The following NUP153 variants were observed in gnomAD, a reference collection of about 807,000 sequenced individuals.
The protein encoded by NUP153 is nuclear pore complex protein Nup153.
In NUP153, 27 loss-of-function variants were observed where a neutral mutation model predicts 134.6. The ratio of observed to expected loss-of-function variants is 0.20; its 90% CI spans 0.15 to 0.28. The LOEUF is 0.28. NUP153 is among the 10% of genes least tolerant of loss of function. The pLI is 1.00. For synonymous variants in NUP153, 640 were observed against 623.5 expected (o/e 1.03, Z -0.40); for missense variants, 1,821 against 1,731.3 (o/e 1.05, Z -0.92).
At chr6:17,670,092 T>C (rs151124118) in intron 5 of NUP153, among the ~76,000 whole-genome samples, 5,215 of 96,060 alleles carry the variant, frequency 0.054, 333 homozygotes, top group East Asian at 0.35. Flanking sequence ...CGAGACTCTT[T>C]CTCAAAAAAA....
chr6:17,706,626 G>C lies in NUP153; in HGVS notation c.-239C>G. On this transcript the variant is annotated 5_prime_UTR_variant, in exon 1 of 22. Coordinates refer to ENST00000262077, the MANE Select transcript of NUP153 (RefSeq NM_005124.4). This position sits in a 1 kb window ranked among gnomAD's most constrained non-coding sequence, Gnocchi z 5.9. Reference sequence around the variant, plus strand: ...GCAGAGGCCGAGGAGGCTCCGGTCCGGCCGCCTCTGCGGACCCCCGCCTCT... The same window carrying C: ...GCAGAGGCCGAGGAGGCTCCGGTCCCGCCGCCTCTGCGGACCCCCGCCTCT... The C allele has an allele frequency of 3.5e-6, 2 of 563,660 alleles. No homozygotes were observed. The highest frequency in any genetic ancestry group is 4.7e-4 in the Middle Eastern group (1 of 2,134). 34.9% of individuals were successfully genotyped at this position (563,660 alleles called of 1,614,324 possible).
At chr6:17,694,485 C>G (rs1248774289) in intron 1 of NUP153, among the ~76,000 whole-genome samples, 2 of 151,860 alleles carry the variant, frequency 1.3e-5, no homozygotes, top group Non-Finnish European at 2.9e-5. Flanking sequence ...ATGGTGAAAC[C>G]CTGTCTCTAC....
At chr6:17,689,268 T>C (rs1769133767) in intron 1 of NUP153, among the ~76,000 whole-genome samples, 1 of 151,910 alleles carries the variant, frequency 6.6e-6, no homozygotes, top group Non-Finnish European at 1.5e-5. Context: ...ATGCCTATAA[T>C]CCCAGCTACT....
At chr6:17,654,343 C>T (rs905737276) in intron 11 of NUP153, among the ~76,000 whole-genome samples, 14 of 150,008 alleles carry the variant, frequency 9.3e-5, no homozygotes, top group African/African-American at 2.9e-4. Context: ...TTTTTTGAGA[C>T]GGAGTTTCGA....
At chr6:17,652,882 A>G (rs1477107737) in intron 11 of NUP153, among the ~76,000 whole-genome samples, 1 of 152,012 alleles carries the variant, frequency 6.6e-6, no homozygotes, top group Non-Finnish European at 1.5e-5. Flanking sequence ...AAAAAAAATT[A>G]GCTGGGCGTG....
intron 2 of NUP153, among the ~76,000 whole-genome samples, chr6:17,686,888 G>C (rs1374277233): frequency 6.8e-6 from 1 of 147,036 alleles, no homozygotes; most frequent in Non-Finnish European, 1.5e-5. Flanking sequence ...AGCCGGGGGC[G>C]GGCGGCGGGG....
chr6:17,646,789 G>GAGTGCA (rs1443372134), intron 13 of NUP153, among the ~76,000 whole-genome samples: 2 of 151,604 alleles, frequency 1.3e-5, no homozygotes, highest in Admixed American at 1.3e-4. Context: ...GCCTGAGCTG[G>GAGTGCA]AGTGCAACGG....
Position 17,706,468 on chromosome 6 carries a change from C to T in NUP153, c.-81G>A. 9.1e-7 allele frequency: 1 copy of T among 1,102,758 alleles called. No homozygotes were observed. Among genetic ancestry groups the T allele is most frequent in the Non-Finnish European group, 1.3e-6 (1 of 769,024 alleles). 68.3% of individuals were successfully genotyped at this position (1,102,758 alleles called of 1,614,324 possible). A position where few individuals can be genotyped will look rare whatever the true frequency, so the allele number is the denominator to read the frequency against. ...AGGCGGAGGCCTTAGAGAGCCTCCCCCGCCGCCCGGCCCCGGCCCAAAAGT... is the reference window on the plus strand; with the variant it reads ...AGGCGGAGGCCTTAGAGAGCCTCCCTCGCCGCCCGGCCCCGGCCCAAAAGT... On this transcript the variant is annotated 5_prime_UTR_variant, in exon 1 of 22. Transcript: ENST00000262077. This position sits in a 1 kb window ranked among gnomAD's most constrained non-coding sequence, Gnocchi z 5.9.
chr6:17,669,470 C>T lies in NUP153; in HGVS notation c.929G>A (p.Arg310Gln), dbSNP rs763590579. The change falls in exon 6 of 22, where the codon CGA (arginine) becomes CAA (glutamine). Residue 310 changes from arginine (R) to glutamine (Q), a missense_variant. Coordinates refer to ENST00000262077, the MANE Select transcript of NUP153 (RefSeq NM_005124.4). ...SYGVTSSTAR[R>Q]ILQSLEKMSS... ...CATCTTCTCTAAAGACTGCAATATT[C>T]GCCGAGCTGTTGAACTGGTCACACC... 9.9e-6 allele frequency: 16 copies of T among 1,614,034 alleles called. No homozygotes were observed. The highest frequency in any genetic ancestry group is 3.3e-5 in the Admixed American group (2 of 60,012).
chr6:17,622,246 T>TCA (rs1245822451), intron 20 of NUP153, among the ~76,000 whole-genome samples: 4 of 152,028 alleles, frequency 2.6e-5, no homozygotes, highest in Non-Finnish European at 5.9e-5. Context: ...GCTCGGGAGT[T>TCA]AGAGACCAGC....
At chr6:17,616,742 T>G (rs779304345) in intron 20 of NUP153, 47 bp from the exon 21 acceptor site, 4 of 1,552,582 alleles carry the variant, frequency 2.6e-6, no homozygotes, top group Non-Finnish European at 3.5e-6. Flanking sequence ...AAATGATAGG[T>G]TTTTTTGTTT....
intron 20 of NUP153, among the ~76,000 whole-genome samples, chr6:17,622,098 C>G (rs780262077): frequency 2.6e-5 from 4 of 151,970 alleles, no homozygotes; most frequent in South Asian, 4.2e-4. Flanking sequence ...CATGGCTTTT[C>G]TTTTGTTTTG....
chr6:17,668,390 A>G (rs1386231851), intron 8 of NUP153, among the ~76,000 whole-genome samples: 1 of 151,768 alleles, frequency 6.6e-6, no homozygotes, highest in African/African-American at 2.4e-5. Flanking sequence ...GATCACTCCT[A>G]TTTTTATTTA....
chr6:17,654,977 G>C (rs907792327), intron 11 of NUP153, among the ~76,000 whole-genome samples: 2 of 152,268 alleles, frequency 1.3e-5, no homozygotes, highest in South Asian at 2.1e-4. Context: ...AGGTACACAA[G>C]AGGTTAATTT....
At chr6:17,691,212 T>G (rs1416529618) in intron 1 of NUP153, among the ~76,000 whole-genome samples, 1 of 152,168 alleles carries the variant, frequency 6.6e-6, no homozygotes, top group Non-Finnish European at 1.5e-5. Flanking sequence ...CCATGTATTG[T>G]GCAAATTTTC....
chr6:17,651,899 G>T (rs1207842262), intron 11 of NUP153: 2 of 677,350 alleles, frequency 3.0e-6, no homozygotes. Context: ...CTCGAGATCA[G>T]CTTGGGCAAT....
chr6:17,626,972 G>A (rs992952476), intron 18 of NUP153, among the ~76,000 whole-genome samples: 4 of 152,114 alleles, frequency 2.6e-5, no homozygotes, highest in Admixed American at 6.5e-5. Flanking sequence ...GAAATGTTAG[G>A]AAAAACAAAT....
At chr6:17,665,852 T>C (rs1348883039) in intron 8 of NUP153, among the ~76,000 whole-genome samples, 1 of 151,868 alleles carries the variant, frequency 6.6e-6, no homozygotes, top group Non-Finnish European at 1.5e-5. Context: ...ACCCGGCTAA[T>C]TTTTTTGGTT....
At position 17,615,992 on chromosome 6, in the gene NUP153, C is replaced by A; in HGVS notation, c.*105G>T. 1.2e-6 allele frequency: 1 copy of A among 804,352 alleles called. No individual in the cohort carries two copies. Among genetic ancestry groups the A allele is most frequent in the South Asian group, 1.8e-5 (1 of 56,858 alleles). 49.8% of individuals were successfully genotyped at this position (804,352 alleles called of 1,614,324 possible). On this transcript the variant is annotated 3_prime_UTR_variant, in exon 22 of 22. Coordinates refer to ENST00000262077, the MANE Select transcript of NUP153 (RefSeq NM_005124.4). The surrounding 1 kb of genome is among the most constrained non-coding windows in gnomAD (Gnocchi z 5.7). ...GGAAAATTCCAAAATTAAAGAAGTC[C>A]TTAGGCAGATCTGACTTCAGATAAC...
Sources: allele counts gnomAD v4.1 joint callset (sites outside exome capture counted in the v4.1 genomes callset), GRCh38; gene constraint gnomAD v4.1.1; non-coding constraint Gnocchi (gnomAD v3.1); transcripts MANE v1.5; gene names NCBI Gene and HGNC (gene_info 2026-07-23, HGNC 2026-07-21).